The following TBC1D5 variants were observed in gnomAD, a reference collection of about 807,000 sequenced individuals.
The protein encoded by TBC1D5 is TBC1 domain family member 5.
In TBC1D5, 75 loss-of-function variants were observed where a neutral mutation model predicts 100.3. The ratio of observed to expected loss-of-function variants is 0.75; its 90% CI spans 0.62 to 0.91. The LOEUF (loss-of-function observed/expected upper bound fraction) is 0.91. Ranked by LOEUF, TBC1D5 falls within the 40% of genes least tolerant of loss-of-function variation. The probability of loss-of-function intolerance (pLI) is 0.00; values close to 1 mark genes in which losing one functional copy is unlikely to be tolerated. For missense variants in TBC1D5, 910 were observed against 942.4 expected, an observed-to-expected ratio of 0.97 and a Z score of 0.45; for synonymous variants, 323 against 325.6, an observed-to-expected ratio of 0.99 and a Z score of 0.09.
At chr3:17,306,894 C>A (rs185628082) in intron 14 of TBC1D5, among the ~76,000 whole-genome samples, 1 of 152,058 alleles carries the variant, frequency 6.6e-6, no homozygotes, top group African/African-American at 2.4e-5. Flanking sequence ...TTTCCTCTTA[C>A]GACTTCCATG....
rs201373009 is a variant in TBC1D5, at chr3:17,376,509, T to TAA, written c.701+14_701+15dup. 1.7e-5 allele frequency: 24 copies of TAA among 1,374,138 alleles called. No individual in the cohort carries two copies. The highest frequency in any genetic ancestry group is 6.9e-5 in the South Asian group (5 of 72,286). The allele number at this position is 1,374,138 out of a possible 1,614,324, so 85.1% of individuals were successfully genotyped here. A position where few individuals can be genotyped will look rare whatever the true frequency, so the allele number is the denominator to read the frequency against. On this transcript the variant is annotated intron_variant, in intron 10 of 21. Transcript: ENST00000253692. ...GCTAAAAAACAAATGGAGCTCATAT[T>TAA]AAAAAAAAAACTTGCCTGGGCTGTG...
chr3:17,194,386 CA>C (rs2070372442), intron 18 of TBC1D5, among the ~76,000 whole-genome samples: 1 of 152,180 alleles, frequency 6.6e-6, no homozygotes, highest in African/African-American at 2.4e-5. Flanking sequence ...GAGAGCCTTC[CA>C]ATCTCCCTGA....
intron 17 of TBC1D5, among the ~76,000 whole-genome samples, chr3:17,221,153 G>T (rs372158647): frequency 2.0e-5 from 3 of 152,004 alleles, no homozygotes; most frequent in African/African-American, 7.2e-5. Flanking sequence ...TTAATTCCCA[G>T]AGTCTATGAA....
At chr3:17,700,586 A>G (rs1203358919) in intron 1 of TBC1D5, among the ~76,000 whole-genome samples, 6 of 152,224 alleles carry the variant, frequency 3.9e-5, no homozygotes, top group Middle Eastern at 3.2e-3. Flanking sequence ...CTCATCTGAC[A>G]AAGAGCTAAT....
chr3:17,321,665 T>C (rs533547922), intron 13 of TBC1D5, among the ~76,000 whole-genome samples: 84 of 152,342 alleles, frequency 5.5e-4, no homozygotes, highest in Middle Eastern at 3.4e-3. Flanking sequence ...TCTAGGAATT[T>C]TGTAATTTCA....
intron 14 of TBC1D5, among the ~76,000 whole-genome samples, chr3:17,294,037 T>C (rs1278464411): frequency 6.6e-6 from 1 of 152,210 alleles, no homozygotes; most frequent in East Asian, 1.9e-4. Context: ...CTGTACTCTA[T>C]TACAAGACAT....
chr3:17,237,424 GA>G (rs1365377396), intron 17 of TBC1D5, among the ~76,000 whole-genome samples: 3 of 152,286 alleles, frequency 2.0e-5, no homozygotes, highest in Non-Finnish European at 4.4e-5. Context: ...TTCAGAGTAA[GA>G]ACCTGAAGTG....
chr3:17,503,460 A>G (rs1196907845), intron 3 of TBC1D5, among the ~76,000 whole-genome samples: 1 of 149,554 alleles, frequency 6.7e-6, no homozygotes, highest in Non-Finnish European at 1.5e-5. Context: ...CTAGTCATAA[A>G]CACCATGGTA....
rs1287463521 is a variant in TBC1D5, at chr3:17,501,042, A to AT, written c.97+7431dup. ...AAAGAGATATTTTTAAAATCCACGT[A>AT]TTTTTTATCCTTGTTACTGCATTCA... is the stretch of plus-strand genomic sequence containing the variant. On this transcript the variant is annotated intron_variant, in intron 3 of 21. Transcript: ENST00000253692. Among the ~76,000 whole-genome samples the AT allele has an allele frequency of 4.0e-5, 6 of 149,622 alleles. No individual in the cohort carries two copies. In the East Asian group the frequency reaches 9.7e-4, roughly 24 times the overall value.
chr3:17,605,398 T>TA (rs1358535124), intron 2 of TBC1D5, among the ~76,000 whole-genome samples: 1 of 152,224 alleles, frequency 6.6e-6, no homozygotes, highest in African/African-American at 2.4e-5. Flanking sequence ...AACTCAGTCA[T>TA]AAGTAATGTG....
At chr3:17,600,474 C>T (rs1298848138) in intron 2 of TBC1D5, among the ~76,000 whole-genome samples, 2 of 152,046 alleles carry the variant, frequency 1.3e-5, no homozygotes, top group Admixed American at 1.3e-4. Context: ...AGGTATTCTT[C>T]AAAAACACCT....
At chr3:17,330,941 G>A (rs764626024) in intron 13 of TBC1D5, among the ~76,000 whole-genome samples, 18 of 152,050 alleles carry the variant, frequency 1.2e-4, no homozygotes, top group Non-Finnish European at 2.2e-4. Flanking sequence ...ATAATTGTCA[G>A]TCCATGGTTT....
intron 1 of TBC1D5, among the ~76,000 whole-genome samples, chr3:17,670,718 TAA>T (rs1486894232): frequency 6.6e-6 from 1 of 152,208 alleles, no homozygotes; most frequent in Non-Finnish European, 1.5e-5. Context: ...TAACAAAGGA[TAA>T]AGACAGTCTT....
At chr3:17,197,096 C>A (rs2070798971) in intron 18 of TBC1D5, among the ~76,000 whole-genome samples, 1 of 152,170 alleles carries the variant, frequency 6.6e-6, no homozygotes, top group African/African-American at 2.4e-5. Flanking sequence ...CTTCCATAAC[C>A]AAATCCATCA....
rs777614543 is a variant in TBC1D5 at position 17,264,209 on chromosome 3, G to C, written c.1246-5618C>G. On this transcript the variant is annotated intron_variant, in intron 15 of 21. Coordinates refer to ENST00000253692, the Ensembl canonical transcript of TBC1D5. ...TCACACTAAGCCTAACTAAATACTA[G>C]ATGCTACAAGAAGTACACATAACTA... is the stretch of plus-strand genomic sequence containing the variant. Among the ~76,000 whole-genome samples the C allele has an allele frequency of 7.9e-5, 12 of 151,962 alleles. No homozygotes were observed. The South Asian group carries it at 1.9e-3, about 24-fold the overall frequency.
At chr3:17,292,365 A>C (rs889835250) in intron 14 of TBC1D5, among the ~76,000 whole-genome samples, 1 of 152,156 alleles carries the variant, frequency 6.6e-6, no homozygotes, top group Non-Finnish European at 1.5e-5. Context: ...TAAAAGCCAT[A>C]TGAATGGAAA....
chr3:17,335,304 G>A (rs1011288914), intron 13 of TBC1D5, among the ~76,000 whole-genome samples: 8 of 152,086 alleles, frequency 5.3e-5, no homozygotes, highest in African/African-American at 1.9e-4. Flanking sequence ...TTATTAACAG[G>A]ATACATAAAT....
At chr3:17,333,965 A>G (rs1034482137) in intron 13 of TBC1D5, among the ~76,000 whole-genome samples, 2 of 152,212 alleles carry the variant, frequency 1.3e-5, no homozygotes, top group East Asian at 3.9e-4. Context: ...AATTCAAAGG[A>G]GTAATTAAAA....
chr3:17,375,718 A>C (rs2092681818), intron 10 of TBC1D5, among the ~76,000 whole-genome samples: 1 of 152,188 alleles, frequency 6.6e-6, no homozygotes, highest in Admixed American at 6.5e-5. Context: ...AGGAAACTTG[A>C]AAATACTAAT....
Sources: allele counts gnomAD v4.1 joint callset (sites outside exome capture counted in the v4.1 genomes callset), GRCh38; gene constraint gnomAD v4.1.1; transcripts MANE v1.5; gene names NCBI Gene and HGNC (gene_info 2026-07-23, HGNC 2026-07-21).